The following OSBPL3 variants were observed in gnomAD, a reference collection of about 807,000 sequenced individuals.
OSBPL3 encodes the protein oxysterol binding protein like 3, also known as oxysterol-binding protein-related protein 3.
A neutral mutation model predicts 120.1 loss-of-function variants in OSBPL3; 65 were observed. The ratio of observed to expected loss-of-function variants is 0.54; its 90% confidence interval spans 0.44 to 0.67. The LOEUF is 0.67. Among genes scored for constraint, OSBPL3 ranks in the 30% least tolerant of loss-of-function variants. The probability of loss-of-function intolerance (pLI) is 0.00; values close to 1 mark genes in which losing one functional copy is unlikely to be tolerated. For missense variants in OSBPL3, 1,004 were observed against 1,082.1 expected, an observed-to-expected ratio of 0.93 and a Z score of 1.01; for synonymous variants, 416 against 402.6, an observed-to-expected ratio of 1.03 and a Z score of -0.40.
At chr7:24,971,107 G>C (rs916770600) in intron 1 of OSBPL3, among the ~76,000 whole-genome samples, 9 of 152,244 alleles carry the variant, frequency 5.9e-5, no homozygotes, top group African/African-American at 2.2e-4. Flanking sequence ...CCAGAGGCAG[G>C]TACCACAGGA....
rs980389102 is a variant in OSBPL3 at position 24,955,463 on chromosome 7, C to T, written c.-150+24423G>A. On this transcript the variant is annotated intron_variant, in intron 1 of 22. Transcript: ENST00000313367. This position sits in a 1 kb window ranked among gnomAD's most constrained non-coding sequence, Gnocchi z 4.3. ...ACAGAGCTTCCATTCTAGTGATTCT[C>T]CCTGGCTGTTCTGTGGAGGAGAGGC... Among the ~76,000 whole-genome samples, 4 of 152,222 alleles carry T rather than the reference C, an allele frequency of 2.6e-5. No individual in the cohort carries two copies. Among genetic ancestry groups the T allele is most frequent in the African/African-American group, 9.6e-5 (4 of 41,456 alleles).
At chr7:24,904,405 C>A (rs549876065) in intron 1 of OSBPL3, among the ~76,000 whole-genome samples, 1 of 152,248 alleles carries the variant, frequency 6.6e-6, no homozygotes, top group African/African-American at 2.4e-5. Context: ...CAAAAGTATT[C>A]CAGCAATAAC....
chr7:24,901,639 A>G (rs566906509), intron 1 of OSBPL3, among the ~76,000 whole-genome samples: 1 of 152,304 alleles, frequency 6.6e-6, no homozygotes, highest in South Asian at 2.1e-4. Context: ...ATGCTGATAA[A>G]CAGACCCTAT....
intron 20 of OSBPL3, among the ~76,000 whole-genome samples, chr7:24,807,280 G>T (rs1584184086): frequency 1.4e-5 from 2 of 143,912 alleles, no homozygotes; most frequent in South Asian, 5.2e-4. Context: ...ATCACCTGAG[G>T]TCAGGAGTTC....
intron 1 of OSBPL3, among the ~76,000 whole-genome samples, chr7:24,970,958 A>G (rs1325456520): frequency 6.6e-6 from 1 of 152,180 alleles, no homozygotes; most frequent in Non-Finnish European, 1.5e-5. Context: ...CTCAAAGTAA[A>G]AGCCTTTAGA....
At chr7:24,895,400 AC>A (rs1180498116) in intron 1 of OSBPL3, among the ~76,000 whole-genome samples, 1 of 152,164 alleles carries the variant, frequency 6.6e-6, no homozygotes, top group Non-Finnish European at 1.5e-5. Context: ...TACCACATAG[AC>A]CGGGTGTGTA....
Position 24,955,695 on chromosome 7 carries a change from G to A in OSBPL3, c.-150+24191C>T, listed in dbSNP as rs1032936079. Among the ~76,000 whole-genome samples the A allele has an allele frequency of 3.3e-5, 5 of 152,198 alleles. No individual in the cohort carries two copies. The highest frequency in any genetic ancestry group is 2.9e-5 in the Non-Finnish European group (2 of 68,040). On this transcript the variant is annotated intron_variant, in intron 1 of 22. Coordinates refer to ENST00000313367, the MANE Select transcript of OSBPL3 (RefSeq NM_015550.4). This position sits in a 1 kb window ranked among gnomAD's most constrained non-coding sequence, Gnocchi z 4.3. ...TATCCCTGCTTTAATGTTCTCCACA[G>A]CACTTACTATCACCTGACATACATA... is the stretch of plus-strand genomic sequence containing the variant.
chr7:24,942,748 A>G (rs1191382957), intron 1 of OSBPL3, among the ~76,000 whole-genome samples: 1 of 152,198 alleles, frequency 6.6e-6, no homozygotes, highest in African/African-American at 2.4e-5. Context: ...CAGGGCCTAG[A>G]GCAGCACCTC....
In OSBPL3 at chr7:24,883,558, T is replaced by C. The variant is rs1804034803; in HGVS notation, c.96+8819A>G. Among the ~76,000 whole-genome samples, 1 of 152,204 alleles carries C rather than the reference T, an allele frequency of 6.6e-6. No individual in the cohort carries two copies. The highest frequency in any genetic ancestry group is 2.4e-5 in the African/African-American group (1 of 41,436). On this transcript the variant is annotated intron_variant, in intron 2 of 22. Transcript: ENST00000313367. The surrounding 1 kb of genome is among the most constrained non-coding windows in gnomAD (Gnocchi z 5.4). ...TCTTAAATGTGCCCACTGCCAACCA[T>C]GAATAAATATATTTATTTTCTTAAG...
intron 13 of OSBPL3, among the ~76,000 whole-genome samples, chr7:24,841,717 A>AAAAAAAAAAAAAAAAGAAAAG (rs70942886): frequency 1.2e-5 from 1 of 82,792 alleles, no homozygotes; most frequent in African/African-American, 4.8e-5. Context: ...AAAAAAAAAA[A>AAAAAAAAAAAAAAAAGAAAAG]AAAAGAGGCC....
rs142720310 is a variant in OSBPL3 at position 24,938,779 on chromosome 7, ATG to A, written c.-150+41105_-150+41106del. Among the ~76,000 whole-genome samples the A allele has an allele frequency of 0.17, 15,646 of 93,364 alleles. 1,224 individuals carry two copies. Among genetic ancestry groups the A allele is most frequent in the African/African-American group, 0.26 (6,320 of 24,336 alleles). 61.3% of individuals were successfully genotyped at this position (93,364 alleles called of 152,430 possible). ...AACTGAATAATGAGGTTTTGTTTTGATGTGTGTGTGTGTGTGTGTGTGTGTGT... is the reference window on the plus strand; with the variant it reads ...AACTGAATAATGAGGTTTTGTTTTGATGTGTGTGTGTGTGTGTGTGTGTGT... On this transcript the variant is annotated intron_variant, in intron 1 of 22. Coordinates refer to ENST00000313367, the MANE Select transcript of OSBPL3 (RefSeq NM_015550.4). The surrounding 1 kb of genome is among the most constrained non-coding windows in gnomAD (Gnocchi z 5.8).
At position 24,867,659 on chromosome 7, in the gene OSBPL3, G is replaced by A. The variant is rs979729153; in HGVS notation, c.382-1422C>T. On this transcript the variant is annotated intron_variant, in intron 5 of 22. Coordinates refer to ENST00000313367, the MANE Select transcript of OSBPL3 (RefSeq NM_015550.4). This position sits in a 1 kb window ranked among gnomAD's most constrained non-coding sequence, Gnocchi z 4.5. Reference sequence around the variant, plus strand: ...ACTGTGAGACCTCCCCAGCCATGTGGAACTGTAAGTCTATTAAACCTCTTT... The same window carrying A: ...ACTGTGAGACCTCCCCAGCCATGTGAAACTGTAAGTCTATTAAACCTCTTT... 1.3e-5 allele frequency among the ~76,000 whole-genome samples: 2 copies of A among 152,186 alleles called. No homozygotes were observed. The highest frequency in any genetic ancestry group is 2.9e-5 in the Non-Finnish European group (2 of 68,034).
chr7:24,815,335 C>T lies in OSBPL3; in HGVS notation c.2028-132G>A, dbSNP rs1562766160. On this transcript the variant is annotated intron_variant, in intron 18 of 22. Transcript: ENST00000313367. This position sits in a 1 kb window ranked among gnomAD's most constrained non-coding sequence, Gnocchi z 5.1. ...TCTTTATTCACAGAAGCAACACTGGCTAAGTGTCTATGTCACACTGGATGT... is the reference window on the plus strand; with the variant it reads ...TCTTTATTCACAGAAGCAACACTGGTTAAGTGTCTATGTCACACTGGATGT... The T allele has an allele frequency of 7.2e-6, 5 of 699,192 alleles. No individual in the cohort carries two copies. Among genetic ancestry groups the T allele is most frequent in the East Asian group, 2.7e-5 (1 of 37,386 alleles). 43.3% of individuals were successfully genotyped at this position (699,192 alleles called of 1,614,324 possible). A position where few individuals can be genotyped will look rare whatever the true frequency, so the allele number is the denominator to read the frequency against.
At chr7:24,823,087 G>A (rs756268017) in intron 16 of OSBPL3, among the ~76,000 whole-genome samples, 18 of 152,140 alleles carry the variant, frequency 1.2e-4, no homozygotes, top group Non-Finnish European at 2.4e-4. Flanking sequence ...TGCTGCACTA[G>A]TGTCCGGGAA....
In OSBPL3 at chr7:24,803,453, G is replaced by C. The variant is rs189686919; in HGVS notation, c.2567+862C>G. ...CAGTTATAGGAGGAGATGGGGAGGTGAAGGGTTGAAGATCTCTCATACCTC... is the reference window on the plus strand; with the variant it reads ...CAGTTATAGGAGGAGATGGGGAGGTCAAGGGTTGAAGATCTCTCATACCTC... On this transcript the variant is annotated intron_variant, in intron 22 of 22. Transcript: ENST00000313367. This position sits in a 1 kb window ranked among gnomAD's most constrained non-coding sequence, Gnocchi z 4.2. Among the ~76,000 whole-genome samples the C allele has an allele frequency of 2.1e-3, 320 of 152,248 alleles. No individual in the cohort carries two copies. Among genetic ancestry groups the C allele is most frequent in the Non-Finnish European group, 3.7e-3 (255 of 68,018 alleles).
At chr7:24,921,203 A>T (rs906134487) in intron 1 of OSBPL3, among the ~76,000 whole-genome samples, 3 of 25,202 alleles carry the variant, frequency 1.2e-4, no homozygotes, top group African/African-American at 2.5e-4. Flanking sequence ...AGCCCACATT[A>T]AAAAAAAAGT....
At chr7:24,800,988 A>C (rs1225628558) in intron 22 of OSBPL3, among the ~76,000 whole-genome samples, 2 of 149,204 alleles carry the variant, frequency 1.3e-5, no homozygotes, top group Non-Finnish European at 3.0e-5. Flanking sequence ...CACGCCTGTA[A>C]TCTCGGTACT....
Position 24,820,834 on chromosome 7 carries a change from AAC to A in OSBPL3, c.1885-598_1885-597del, listed in dbSNP as rs1002657788. Among the ~76,000 whole-genome samples the A allele has an allele frequency of 6.7e-6, 1 of 149,884 alleles. No homozygotes were observed. The highest frequency in any genetic ancestry group is 2.5e-5 in the African/African-American group (1 of 40,626). On this transcript the variant is annotated intron_variant, in intron 16 of 22. Coordinates refer to ENST00000313367, the MANE Select transcript of OSBPL3 (RefSeq NM_015550.4). The surrounding 1 kb of genome is among the most constrained non-coding windows in gnomAD (Gnocchi z 4.6). ...GTTTCTATTAAAAAAAAAAAAGGTA[AAC>A]ACAATTGTTGAGGAAATGTTAGTCA...
intron 1 of OSBPL3, among the ~76,000 whole-genome samples, chr7:24,950,487 C>T (rs1584714626): frequency 6.6e-6 from 1 of 152,310 alleles, no homozygotes; most frequent in South Asian, 2.1e-4. Context: ...CTTTGGGAGG[C>T]CGAGGCGGGC....
Sources: allele counts gnomAD v4.1 joint callset (sites outside exome capture counted in the v4.1 genomes callset), GRCh38; gene constraint gnomAD v4.1.1; non-coding constraint Gnocchi (gnomAD v3.1); transcripts MANE v1.5; gene names NCBI Gene and HGNC (gene_info 2026-07-23, HGNC 2026-07-21).